Variants in GRID2 observed in about 807,000 individuals in gnomAD.
GRID2 encodes glutamate ionotropic receptor delta type subunit 2.
A neutral mutation model predicts 114.8 loss-of-function variants in GRID2; 33 were observed. The observed-to-expected ratio is 0.29, with a 90% CI of 0.22 to 0.38. The LOEUF (loss-of-function observed/expected upper bound fraction) is 0.38. Ranked by LOEUF, GRID2 falls within the 10% of genes least tolerant of loss-of-function variation. The pLI is 1.00. For missense variants in GRID2, 1,184 were observed against 1,257.7 expected, an observed-to-expected ratio of 0.94 and a Z score of 0.89; for synonymous variants, 505 against 449.9, an observed-to-expected ratio of 1.12 and a Z score of -1.55.
chr4:93,205,629 T>C (rs113505723), intron 4 of GRID2, among the ~76,000 whole-genome samples: 3 of 152,238 alleles, frequency 2.0e-5, no homozygotes, highest in East Asian at 1.9e-4. Context: ...CGTGTGCATG[T>C]GTCTTTATAG....
intron 1 of GRID2, among the ~76,000 whole-genome samples, chr4:92,395,578 T>G (rs1446710535): frequency 6.6e-6 from 1 of 151,740 alleles, no homozygotes; most frequent in Non-Finnish European, 1.5e-5. Context: ...AAAATTTCAT[T>G]CTGGTCTATA....
Position 93,490,637 on chromosome 4 carries a change from A to C in GRID2, c.1859-2A>C. ...TTTTTATCTCTTTGCTTCTTTCTAC[A>C]GGCGGGGAAGTCCCGTACACGACTC... is the stretch of plus-strand genomic sequence containing the variant. On this transcript the variant is annotated splice_acceptor_variant, in intron 11 of 15. Coordinates refer to ENST00000282020, the MANE Select transcript of GRID2 (RefSeq NM_001510.4). LOFTEE classifies it high-confidence loss of function. The C allele has an allele frequency of 6.3e-7, 1 of 1,593,220 alleles. No homozygotes were observed. Among genetic ancestry groups the C allele is most frequent in the Non-Finnish European group, 8.6e-7 (1 of 1,164,448 alleles).
intron 1 of GRID2, among the ~76,000 whole-genome samples, chr4:92,487,306 A>G (rs568047224): frequency 6.6e-6 from 1 of 152,012 alleles, no homozygotes; most frequent in Admixed American, 6.5e-5. Context: ...AAATTTAAAC[A>G]TTTAATATGA....
intron 1 of GRID2, among the ~76,000 whole-genome samples, chr4:92,423,692 T>C (rs1298051724): frequency 6.6e-6 from 1 of 152,152 alleles, no homozygotes; most frequent in Non-Finnish European, 1.5e-5. Context: ...TTTGAGCTGA[T>C]GTTCAATAAT....
intron 8 of GRID2, among the ~76,000 whole-genome samples, chr4:93,309,666 A>T (rs1012861638): frequency 6.6e-6 from 1 of 152,166 alleles, no homozygotes; most frequent in African/African-American, 2.4e-5. Flanking sequence ...CTGTCTATCA[A>T]TTCTAGAATA....
chr4:93,227,236 T>TTATA (rs146296607), intron 7 of GRID2, among the ~76,000 whole-genome samples: 2 of 151,876 alleles, frequency 1.3e-5, no homozygotes, highest in African/African-American at 4.8e-5. Flanking sequence ...CTCCTGAATA[T>TTATA]TATATATATA....
At chr4:92,513,613 A>G (rs1724358277) in intron 1 of GRID2, among the ~76,000 whole-genome samples, 1 of 151,816 alleles carries the variant, frequency 6.6e-6, no homozygotes, top group East Asian at 2.0e-4. Flanking sequence ...ACTTATTATC[A>G]TTGTAACTTT....
intron 13 of GRID2, among the ~76,000 whole-genome samples, chr4:93,555,062 C>T (rs768643316): frequency 1.4e-4 from 22 of 152,136 alleles, no homozygotes; most frequent in African/African-American, 4.1e-4. Context: ...CCATAAAGAA[C>T]GGTGCACTGT....
At chr4:93,762,239 A>G (rs1387251023) in intron 14 of GRID2, among the ~76,000 whole-genome samples, 1 of 152,168 alleles carries the variant, frequency 6.6e-6, no homozygotes, top group Non-Finnish European at 1.5e-5. Flanking sequence ...AAATTTCAAA[A>G]TTTCTTTCTC....
At chr4:93,436,682 A>C (rs1472422297) in intron 10 of GRID2, among the ~76,000 whole-genome samples, 2 of 152,186 alleles carry the variant, frequency 1.3e-5, no homozygotes, top group Admixed American at 1.3e-4. Flanking sequence ...ATCATAATGA[A>C]CTAAATTAAA....
chr4:93,431,939 G>A (rs189726387), intron 10 of GRID2, among the ~76,000 whole-genome samples: 1 of 152,286 alleles, frequency 6.6e-6, no homozygotes, highest in Non-Finnish European at 1.5e-5. Flanking sequence ...ATAATATAAT[G>A]AGAATGTGTA....
chr4:93,548,893 A>G (rs576399855), intron 13 of GRID2, among the ~76,000 whole-genome samples: 3 of 152,226 alleles, frequency 2.0e-5, no homozygotes, highest in African/African-American at 7.2e-5. Context: ...GAATCACATC[A>G]CCAAAGGACC....
chr4:92,338,654 G>C (rs930819736), intron 1 of GRID2, among the ~76,000 whole-genome samples: 4 of 151,910 alleles, frequency 2.6e-5, no homozygotes, highest in Non-Finnish European at 5.9e-5. Flanking sequence ...ACATTGTATG[G>C]TAAAAATTCA....
intron 4 of GRID2, among the ~76,000 whole-genome samples, chr4:93,165,713 G>A (rs1738185622): frequency 6.6e-6 from 1 of 151,998 alleles, no homozygotes; most frequent in Non-Finnish European, 1.5e-5. Context: ...ATCAACAATA[G>A]TAGCAACTTA....
chr4:93,040,864 G>A (rs1359833054), intron 2 of GRID2, among the ~76,000 whole-genome samples: 3 of 152,190 alleles, frequency 2.0e-5, no homozygotes, highest in Non-Finnish European at 4.4e-5. Context: ...ACAAGGAGCT[G>A]TATTTATGGC....
intron 1 of GRID2, among the ~76,000 whole-genome samples, chr4:92,424,219 A>T (rs1296200330): frequency 6.6e-6 from 1 of 152,266 alleles, no homozygotes; most frequent in Non-Finnish European, 1.5e-5. Flanking sequence ...AATTCTCTCA[A>T]CTAGGAGTTT....
rs1290417755 is a variant in GRID2 at position 92,482,015 on chromosome 4, TATATATATATATATATATAA to T, written c.89-108114_89-108095del. ...ATATATATATATATATATATATATATATATATATATATATATATAAAATAACAATACAAGCTTATAGCTGC... is the reference window on the plus strand; with the variant it reads ...ATATATATATATATATATATATATATAATAACAATACAAGCTTATAGCTGC... On this transcript the variant is annotated intron_variant, in intron 1 of 15. Coordinates refer to ENST00000282020, the MANE Select transcript of GRID2 (RefSeq NM_001510.4). Among the ~76,000 whole-genome samples the T allele has an allele frequency of 1.3e-3, 86 of 65,060 alleles. 1 individual carries two copies. Among genetic ancestry groups the T allele is most frequent in the African/African-American group, 3.8e-3 (74 of 19,412 alleles). 42.7% of individuals were successfully genotyped at this position (65,060 alleles called of 152,430 possible).
At chr4:92,984,294 A>C (rs538549030) in intron 2 of GRID2, among the ~76,000 whole-genome samples, 2 of 152,378 alleles carry the variant, frequency 1.3e-5, no homozygotes, top group South Asian at 4.1e-4. Flanking sequence ...ACAGAAACAG[A>C]AAGTGCAGAA....
chr4:93,169,725 A>G (rs1323830025), intron 4 of GRID2, among the ~76,000 whole-genome samples: 6 of 152,232 alleles, frequency 3.9e-5, no homozygotes, highest in Non-Finnish European at 8.8e-5. Flanking sequence ...TGTGCTGAAT[A>G]GCTTATTGTG....
Sources: gnomAD v4.1 joint callset for allele counts (sites outside exome capture counted in the v4.1 genomes callset) on GRCh38, gnomAD v4.1.1 for gene constraint, MANE v1.5 for transcripts, NCBI Gene and HGNC (gene_info 2026-07-23, HGNC 2026-07-21) for gene names.